Variants in DOP1A observed in about 807,000 individuals in gnomAD.
DOP1A encodes the protein protein DOP1A.
A neutral mutation model predicts 267.6 loss-of-function variants in DOP1A; 90 were observed. The ratio of observed to expected loss-of-function variants is 0.34; its 90% CI spans 0.28 to 0.40. The LOEUF (loss-of-function observed/expected upper bound fraction) is 0.40, where lower values mean the gene tolerates loss of function less well. Among genes scored for constraint, DOP1A ranks in the 10% least tolerant of loss-of-function variants. The probability of loss-of-function intolerance (pLI) is 1.00; values close to 1 mark genes in which losing one functional copy is unlikely to be tolerated. For synonymous variants in DOP1A, 932 were observed against 999.1 expected (o/e 0.93, Z 1.27); for missense variants, 2,437 against 2,900.4 (o/e 0.84, Z 3.67).
rs1024172707 is a variant in DOP1A, at chr6:83,167,518, G to C, written c.7093-344G>C. The C allele has an allele frequency of 3.9e-6, 4 of 1,017,322 alleles. No homozygotes were observed. The African/African-American group carries it at 6.9e-5, about 17-fold the overall frequency. 63.0% of individuals were successfully genotyped at this position (1,017,322 alleles called of 1,614,324 possible). A position where few individuals can be genotyped will look rare whatever the true frequency, so the allele number is the denominator to read the frequency against. On this transcript the variant is annotated intron_variant, in intron 38 of 38. Transcript: ENST00000349129. ...TGTGACCTAGTCCTTGGTTACAGTA[G>C]TGAGGGTTCAGAAACCTGGGAGCTT...
At chr6:83,125,755 G>T (rs774128212) in intron 15 of DOP1A, 22 bp downstream of exon 15, 9 of 1,573,930 alleles carry the variant, frequency 5.7e-6, no homozygotes, top group South Asian at 1.1e-5. Context: ...TATTATTTTT[G>T]GTATTAGACT....
rs754136670 is a variant in DOP1A at position 83,125,650 on chromosome 6, C to T, written c.1636C>T (p.Pro546Ser). 3 of 1,613,796 alleles carry T rather than the reference C, an allele frequency of 1.9e-6. No individual in the cohort carries two copies. The highest frequency in any genetic ancestry group is 2.5e-6 in the Non-Finnish European group (3 of 1,179,798). Reference sequence around the variant, plus strand: ...AAAGATCCTTAGCAAGGTTCAGCCTCCACTGTTATCTGCTAGCACTGGAGG... The same window carrying T: ...AAAGATCCTTAGCAAGGTTCAGCCTTCACTGTTATCTGCTAGCACTGGAGG... ...CSKILSKVQP[P>S]LLSASTGGVL... Residue 546 changes from proline (P) to serine (S), a missense_variant, in exon 15 of 39, where the codon CCA (proline) becomes TCA (serine). Coordinates refer to ENST00000349129, the MANE Select transcript of DOP1A (RefSeq NM_015018.4).
In DOP1A at chr6:83,110,392, T is replaced by C. The variant is rs1037588806; in HGVS notation, c.681+78T>C. On this transcript the variant is annotated intron_variant, in intron 6 of 38. Coordinates refer to ENST00000349129, the MANE Select transcript of DOP1A (RefSeq NM_015018.4). Reference sequence around the variant, plus strand: ...CACTATTCCAGACATATATTGAGGATTGTATAATGAACAAAGTTCCTATTT... The same window carrying C: ...CACTATTCCAGACATATATTGAGGACTGTATAATGAACAAAGTTCCTATTT... The C allele has an allele frequency of 1.2e-5, 16 of 1,376,018 alleles. No homozygotes were observed. The African/African-American group carries it at 1.5e-4, about 13-fold the overall frequency. 85.2% of individuals were successfully genotyped at this position (1,376,018 alleles called of 1,614,324 possible).
intron 4 of DOP1A, among the ~76,000 whole-genome samples, chr6:83,102,702 A>G (rs977406685): frequency 1.3e-5 from 2 of 152,158 alleles, no homozygotes; most frequent in Non-Finnish European, 2.9e-5. Flanking sequence ...TCTTTTTAAT[A>G]TATTAAATAA....
chr6:83,129,256 A>G lies in DOP1A; in HGVS notation c.2089A>G (p.Asn697Asp), dbSNP rs764271336. Residue 697 changes from asparagine to aspartate, a missense_variant, in exon 16 of 39, where the codon AAC becomes GAC. By Grantham distance (23) the Asn-to-Asp change is conservative. This residue lies in a region of DOP1A where 498 missense variants were observed against 513.5 expected (regional missense o/e 0.97). Transcript: ENST00000349129. ...TATCAACCTCTACATCATTCAGAAT[A>G]ACTCTTTTTCTCAGTCTTTGGCTAC... ...RLINLYIIQN[N>D]SFSQSLATEH... is the part of the protein sequence containing the mutation. 2.5e-6 allele frequency: 4 copies of G among 1,613,162 alleles called. No individual in the cohort carries two copies. In the South Asian group the frequency reaches 3.3e-5, roughly 13 times the overall value.
At chr6:83,072,261 T>C (rs555594176) in intron 1 of DOP1A, among the ~76,000 whole-genome samples, 1 of 152,268 alleles carries the variant, frequency 6.6e-6, no homozygotes, top group Non-Finnish European at 1.5e-5. Context: ...TTCGTGTTCA[T>C]GAACAAAGAG....
intron 1 of DOP1A, among the ~76,000 whole-genome samples, chr6:83,096,108 TG>T (rs1300947047): frequency 2.0e-5 from 3 of 152,110 alleles, no homozygotes; most frequent in African/African-American, 7.2e-5. Context: ...TTTGTGGATT[TG>T]TTTTTTTGCT....
chr6:83,135,407 T>G (rs1280765697), intron 19 of DOP1A, among the ~76,000 whole-genome samples: 1 of 151,936 alleles, frequency 6.6e-6, no homozygotes, highest in Non-Finnish European at 1.5e-5. Context: ...ATGAGTATAT[T>G]TTTAAAAGGG....
chr6:83,085,206 G>A (rs533238282), intron 1 of DOP1A, among the ~76,000 whole-genome samples: 5 of 152,208 alleles, frequency 3.3e-5, no homozygotes, highest in East Asian at 3.9e-4. Context: ...CTATATTGTC[G>A]TTGATAGATT....
rs1776557927 is a variant in DOP1A at position 83,122,738 on chromosome 6, A to G, written c.1221-125A>G. 15 of 611,408 alleles carry G rather than the reference A, an allele frequency of 2.5e-5. No individual in the cohort carries two copies. The East Asian group carries it at 3.9e-4, about 16-fold the overall frequency. 37.9% of individuals were successfully genotyped at this position (611,408 alleles called of 1,614,324 possible). On this transcript the variant is annotated intron_variant, in intron 11 of 38. Coordinates refer to ENST00000349129, the MANE Select transcript of DOP1A (RefSeq NM_015018.4). ...CAGTAGATAAAAATTATTTGTTGCAATCTTCTTACTAGCACATTTTCTAGC... is the reference window on the plus strand; with the variant it reads ...CAGTAGATAAAAATTATTTGTTGCAGTCTTCTTACTAGCACATTTTCTAGC...
chr6:83,152,327 C>T lies in DOP1A; in HGVS notation c.6089C>T (p.Pro2030Leu), dbSNP rs1781854390. The T allele has an allele frequency of 1.3e-6, 2 of 1,569,058 alleles. No homozygotes were observed. Among genetic ancestry groups the T allele is most frequent in the African/African-American group, 1.4e-5 (1 of 72,156 alleles). Residue 2030 changes from proline (P) to leucine (L), a missense_variant, in exon 30 of 39, where the codon CCT (proline) becomes CTT (leucine). By Grantham distance (98) the Pro-to-Leu change is moderately conservative. Coordinates refer to ENST00000349129, the MANE Select transcript of DOP1A (RefSeq NM_015018.4). The part of the protein sequence containing the change: ...SPAMETANIT[P>L]SVYSVHALTL... ...GCAATGGAAACCGCAAACATAACTC[C>T]TTCTGTATATAGTGTCCATGCATTG...
intron 32 of DOP1A, 58 bp downstream of exon 32, chr6:83,154,101 G>A (rs1202677411): frequency 6.2e-7 from 1 of 1,612,208 alleles, no homozygotes; most frequent in African/African-American, 1.3e-5. Context: ...GATGAAATCA[G>A]CTACTCCCCT....
chr6:83,155,315 AT>A (rs1782566852), intron 33 of DOP1A, among the ~76,000 whole-genome samples: 2 of 151,652 alleles, frequency 1.3e-5, no homozygotes, highest in African/African-American at 4.9e-5. Flanking sequence ...AAAAAAAAAA[AT>A]TAAACTGGCC....
At chr6:83,120,289 A>C (rs1776163306) in intron 9 of DOP1A, among the ~76,000 whole-genome samples, 1 of 151,912 alleles carries the variant, frequency 6.6e-6, no homozygotes, top group Non-Finnish European at 1.5e-5. Flanking sequence ...TAAATGAGTG[A>C]GGTTATAAGA....
chr6:83,103,722 C>G (rs1773025902), intron 4 of DOP1A, among the ~76,000 whole-genome samples: 1 of 152,144 alleles, frequency 6.6e-6, no homozygotes, highest in Admixed American at 6.5e-5. Context: ...CTCTCCTTTT[C>G]TTAACGACTT....
At chr6:83,082,810 CT>C (rs1191012120) in intron 1 of DOP1A, among the ~76,000 whole-genome samples, 236 of 141,916 alleles carry the variant, frequency 1.7e-3, no homozygotes, top group South Asian at 3.8e-3. Context: ...TTTAAACCCA[CT>C]TTTTTTTTTT....
At chr6:83,169,548 C>T, downstream of DOP1A, 1 of 543,672 alleles carries the variant, frequency 1.8e-6, no homozygotes, top group Non-Finnish European at 3.3e-6. Flanking sequence ...AGTTTTTAAT[C>T]AATTCAGATT....
chr6:83,138,986 G>T lies in DOP1A; in HGVS notation c.4944G>T (p.Leu1648Phe). ...TCCTCTGTGCAGTGATACGAGCTTTGCATCAGCACTGTGCATGTAAGATGC... is the reference window on the plus strand; with the variant it reads ...TCCTCTGTGCAGTGATACGAGCTTTTCATCAGCACTGTGCATGTAAGATGC... ...GMFLCAVIRA[L>F]HQHCACKMHP... The change falls in exon 21 of 39, where the codon TTG becomes TTT. Residue 1648 changes from leucine to phenylalanine, a missense_variant. Leu to Phe is a conservative substitution (Grantham distance 22). Transcript: ENST00000349129. 1.2e-6 allele frequency: 2 copies of T among 1,614,034 alleles called. No homozygotes were observed. The highest frequency in any genetic ancestry group is 1.7e-6 in the Non-Finnish European group (2 of 1,179,954).
Position 83,129,346 on chromosome 6 carries a change from G to A in DOP1A, c.2179G>A (p.Gly727Arg), listed in dbSNP as rs141975602. Reference protein sequence around the residue: ...ETSKWDRNSQGDVKEKNISKQ... With the variant: ...ETSKWDRNSQRDVKEKNISKQ... ...TTCAAAATGGGACAGAAATTCACAAGGAGATGTAAAAGAGAAAAACATAAG... is the reference window on the plus strand; with the variant it reads ...TTCAAAATGGGACAGAAATTCACAAAGAGATGTAAAAGAGAAAAACATAAG... The change falls in exon 16 of 39, where the codon GGA becomes AGA. Residue 727 changes from glycine to arginine, a missense_variant. Physicochemically the swap from Gly to Arg is moderately radical, Grantham distance 125 (BLOSUM62 -2). Transcript: ENST00000349129. The A allele has an allele frequency of 4.4e-6, 7 of 1,606,118 alleles. No homozygotes were observed. In the Admixed American group the frequency reaches 1.0e-4, roughly 24 times the overall value.
Sources: allele counts gnomAD v4.1 joint callset (sites outside exome capture counted in the v4.1 genomes callset), GRCh38; gene constraint gnomAD v4.1.1; regional missense constraint gnomAD v4.1.1; transcripts MANE v1.5; gene names NCBI Gene and HGNC (gene_info 2026-07-23, HGNC 2026-07-21).